The following PDSS2 variants were observed in gnomAD, a reference collection of about 807,000 sequenced individuals.
PDSS2 encodes the protein all trans-polyprenyl-diphosphate synthase PDSS2.
A neutral mutation model predicts 44.5 loss-of-function variants in PDSS2; 31 were observed. The observed-to-expected ratio is 0.70, with a 90% CI of 0.52 to 0.94. PDSS2 has a LOEUF of 0.94. PDSS2 is among the 40% of genes least tolerant of loss of function. The pLI is 0.00. For synonymous variants in PDSS2, 157 were observed against 180.3 expected (o/e 0.87, Z 1.03); for missense variants, 452 against 482.2 (o/e 0.94, Z 0.59).
chr6:107,266,916 T>C (rs1009015581), intron 3 of PDSS2, among the ~76,000 whole-genome samples: 6 of 152,072 alleles, frequency 3.9e-5, no homozygotes, highest in African/African-American at 1.2e-4. Flanking sequence ...TTGAACCACA[T>C]TGAAAAAAAG....
chr6:107,245,731 G>GA (rs1208444872), intron 3 of PDSS2, 112 bp from the exon 4 acceptor site: 15 of 639,786 alleles, frequency 2.3e-5, no homozygotes, highest in Non-Finnish European at 3.2e-5. Context: ...GTGCTTGACA[G>GA]AAAAAATGGG....
chr6:107,208,285 CTTT>C (rs1164014672), intron 6 of PDSS2, among the ~76,000 whole-genome samples: 855 of 53,202 alleles, frequency 0.016, 17 homozygotes, highest in African/African-American at 0.07. Flanking sequence ...CATGCCTGGC[CTTT>C]TTTTTTTTTT....
At chr6:107,184,526 G>T (rs1431180377) in intron 7 of PDSS2, among the ~76,000 whole-genome samples, 1 of 152,210 alleles carries the variant, frequency 6.6e-6, no homozygotes, top group Non-Finnish European at 1.5e-5. Context: ...ATGTGATCAT[G>T]CAAATGCAAA....
intron 1 of PDSS2, among the ~76,000 whole-genome samples, chr6:107,377,072 A>G (rs1779307262): frequency 6.7e-6 from 1 of 149,096 alleles, no homozygotes; most frequent in Admixed American, 6.7e-5. Context: ...TCTGCACAGC[A>G]AAAGAAACTA....
intron 7 of PDSS2, among the ~76,000 whole-genome samples, chr6:107,161,617 G>A (rs1304709977): frequency 2.6e-5 from 4 of 151,960 alleles, no homozygotes; most frequent in African/African-American, 7.2e-5. Flanking sequence ...ATAAAGTTTT[G>A]TTGGGGAATA....
At chr6:107,454,767 C>T (rs1781982826) in intron 1 of PDSS2, among the ~76,000 whole-genome samples, 2 of 151,610 alleles carry the variant, frequency 1.3e-5, no homozygotes, top group Non-Finnish European at 2.9e-5. Flanking sequence ...GCCTGGGCAA[C>T]AGAGCAAGAC....
intron 2 of PDSS2, among the ~76,000 whole-genome samples, 192 bp from the exon 3 acceptor site, chr6:107,274,419 C>T (rs1055408743): frequency 6.6e-6 from 1 of 151,872 alleles, no homozygotes; most frequent in Non-Finnish European, 1.5e-5. Context: ...ATGTTGACAC[C>T]TTCCTTCTCT....
chr6:107,457,561 T>C (rs1335129835), intron 1 of PDSS2, among the ~76,000 whole-genome samples: 2 of 152,188 alleles, frequency 1.3e-5, no homozygotes, highest in East Asian at 3.8e-4. Context: ...ATGCCAGTAA[T>C]GTGCCTCCAT....
chr6:107,406,776 G>GA (rs1445243966), intron 1 of PDSS2, among the ~76,000 whole-genome samples: 1 of 152,236 alleles, frequency 6.6e-6, no homozygotes, highest in Non-Finnish European at 1.5e-5. Flanking sequence ...AAGTGAGATA[G>GA]AACCAGGCTG....
intron 2 of PDSS2, among the ~76,000 whole-genome samples, chr6:107,310,308 G>C (rs1401943211): frequency 7.6e-6 from 1 of 130,732 alleles, no homozygotes; most frequent in Non-Finnish European, 1.7e-5. Flanking sequence ...AAAAAAAAGA[G>C]AAAGAAATGC....
intron 1 of PDSS2, among the ~76,000 whole-genome samples, chr6:107,364,580 G>A (rs906165126): frequency 7.9e-5 from 12 of 152,214 alleles, no homozygotes; most frequent in Non-Finnish European, 1.5e-4. Context: ...AACTCCAGCT[G>A]GCCCGCAAGC....
chr6:107,188,999 T>C (rs1230803340), intron 7 of PDSS2, among the ~76,000 whole-genome samples: 5 of 152,162 alleles, frequency 3.3e-5, no homozygotes, highest in Admixed American at 6.5e-5. Flanking sequence ...CAGCCTCAAC[T>C]TCCTGGGGTC....
At chr6:107,455,020 T>C (rs75435473) in intron 1 of PDSS2, among the ~76,000 whole-genome samples, 3,536 of 152,208 alleles carry the variant, frequency 0.023, 58 homozygotes, top group Non-Finnish European at 0.036. Context: ...CACATTATTG[T>C]AGTAAATAGA....
chr6:107,197,785 T>G, intron 6 of PDSS2: 1 of 470,314 alleles, frequency 2.1e-6, no homozygotes, highest in Non-Finnish European at 4.4e-6. Context: ...TCTAACCATC[T>G]CCTCTTCATG....
At chr6:107,432,527 A>G (rs1363535411) in intron 1 of PDSS2, among the ~76,000 whole-genome samples, 1 of 152,208 alleles carries the variant, frequency 6.6e-6, no homozygotes, top group Non-Finnish European at 1.5e-5. Flanking sequence ...ACGGTGGCTC[A>G]TGCCTGTGAT....
At chr6:107,238,045 G>T (rs1159395966) in intron 4 of PDSS2, among the ~76,000 whole-genome samples, 1 of 151,716 alleles carries the variant, frequency 6.6e-6, no homozygotes, top group Non-Finnish European at 1.5e-5. Flanking sequence ...AAAATAGATG[G>T]GATCTTTGCA....
chr6:107,162,788 A>G (rs1267279774), intron 7 of PDSS2, among the ~76,000 whole-genome samples: 1 of 151,730 alleles, frequency 6.6e-6, no homozygotes, highest in East Asian at 2.0e-4. Flanking sequence ...TATTTTTAGT[A>G]GAGTTGGGGT....
At chr6:107,375,191 C>T (rs551390726) in intron 1 of PDSS2, among the ~76,000 whole-genome samples, 4 of 150,584 alleles carry the variant, frequency 2.7e-5, no homozygotes, top group South Asian at 2.1e-4. Flanking sequence ...AGAAAAAGAG[C>T]GTAATAAACC....
rs1191859261 is a variant in PDSS2 at position 107,246,621 on chromosome 6, A to C, written c.631-1002T>G. ...AAAGAATACAGACCCAAACAACAAG[A>C]TACTTCAATCTCAGGTACCCTGGGT... On this transcript the variant is annotated intron_variant, in intron 3 of 7. Transcript: ENST00000369037. 5.3e-5 allele frequency among the ~76,000 whole-genome samples: 8 copies of C among 152,356 alleles called. No individual in the cohort carries two copies. In the South Asian group the frequency reaches 8.3e-4, roughly 16 times the overall value.
Sources: allele counts gnomAD v4.1 joint callset (sites outside exome capture counted in the v4.1 genomes callset), GRCh38; gene constraint gnomAD v4.1.1; transcripts MANE v1.5; gene names NCBI Gene and HGNC (gene_info 2026-07-23, HGNC 2026-07-21).